The following TMEM201 variants were observed in gnomAD, a reference collection of about 807,000 sequenced individuals.
The protein encoded by TMEM201 is RP13-15M17.2.
Under a neutral mutation model 63.4 loss-of-function variants are expected in TMEM201, and 26 were observed. The ratio of observed to expected loss-of-function variants is 0.41; its 90% CI spans 0.30 to 0.57. The LOEUF is 0.57. Ranked by LOEUF, TMEM201 falls within the 20% of genes least tolerant of loss-of-function variation. The pLI is 0.29. For missense variants in TMEM201, 794 were observed against 917.7 expected, an observed-to-expected ratio of 0.87 and a Z score of 1.74; for synonymous variants, 417 against 421.6, an observed-to-expected ratio of 0.99 and a Z score of 0.14.
rs568799555 is a variant in TMEM201, at chr1:9,591,784, ACT to A, written c.113+2745_113+2746del. 3.8e-3 allele frequency among the ~76,000 whole-genome samples: 571 copies of A among 149,556 alleles called. 3 individuals carry two copies. Among genetic ancestry groups the A allele is most frequent in the African/African-American group, 0.013 (539 of 40,544 alleles). On this transcript the variant is annotated intron_variant, in intron 1 of 10. Coordinates refer to ENST00000340381, the MANE Select transcript of TMEM201 (RefSeq NM_001130924.3). ...GTTTCCAGGCTCCCCCCTCCCACTC[ACT>A]CTCCTGCTGCTGCGCACTCTCCCTG... is the stretch of plus-strand genomic sequence containing the variant.
chr1:9,611,012 C>T (rs905764328), intron 9 of TMEM201: 5 of 1,531,492 alleles, frequency 3.3e-6, no homozygotes, highest in Non-Finnish European at 4.4e-6. Context: ...TCTCCTTTTG[C>T]AGTTGACCTT....
intron 1 of TMEM201, among the ~76,000 whole-genome samples, chr1:9,594,926 G>C (rs1643988191): frequency 1.3e-5 from 2 of 152,266 alleles, no homozygotes; most frequent in Non-Finnish European, 2.9e-5. Flanking sequence ...CTCTGGTCCT[G>C]TGGACGGGGG....
rs751638331 is a variant in TMEM201, at chr1:9,596,899, A to G, written c.275A>G (p.Glu92Gly). ...AAGCCGATCCCCGCCCAGTACTTGG[A>G]GCACCTGAACCACGTGGTGAGCAGC... ...YNKPIPAQYL[E>G]HLNHVVSSAP... The change falls in exon 3 of 11, where the codon GAG (glutamate) becomes GGG (glycine). Residue 92 changes from glutamate to glycine, a missense_variant. Glu to Gly is a moderately conservative substitution (Grantham distance 98, BLOSUM62 -2). Coordinates refer to ENST00000340381, the MANE Select transcript of TMEM201 (RefSeq NM_001130924.3). 1 of 1,607,038 alleles carries G rather than the reference A, an allele frequency of 6.2e-7. No individual in the cohort carries two copies. The highest frequency in any genetic ancestry group is 1.7e-5 in the Admixed American group (1 of 59,830).
At chr1:9,589,127 C>G (rs893900344) in intron 1 of TMEM201, 84 bp downstream of exon 1, 20 of 605,996 alleles carry the variant, frequency 3.3e-5, no homozygotes, top group South Asian at 6.8e-5. Context: ...CTGCCCCCCT[C>G]GGCCGGGACC....
Position 9,600,280 on chromosome 1 carries a change from T to A in TMEM201, c.607-825T>A, listed in dbSNP as rs150494341. ...ATGATAAAAATTAGTTTTAGCCAGATGGTCTTGGGCTCAAACCCTGGAGCC... is the reference window on the plus strand; with the variant it reads ...ATGATAAAAATTAGTTTTAGCCAGAAGGTCTTGGGCTCAAACCCTGGAGCC... On this transcript the variant is annotated intron_variant, in intron 4 of 10. Transcript: ENST00000340381. Among the ~76,000 whole-genome samples, 135 of 152,334 alleles carry A rather than the reference T, an allele frequency of 8.9e-4. 3 individuals carry two copies. The East Asian group carries it at 0.022, about 25-fold the overall frequency.
At chr1:9,590,376 C>T (rs1046009850) in intron 1 of TMEM201, among the ~76,000 whole-genome samples, 4 of 152,190 alleles carry the variant, frequency 2.6e-5, no homozygotes. Flanking sequence ...GACGAAGCCG[C>T]CTCTCAGCTA....
chr1:9,603,737 T>A lies in TMEM201; in HGVS notation c.1160+1465T>A, dbSNP rs1009186592. On this transcript the variant is annotated intron_variant, in intron 6 of 10. Coordinates refer to ENST00000340381, the MANE Select transcript of TMEM201 (RefSeq NM_001130924.3). This position sits in a 1 kb window ranked among gnomAD's most constrained non-coding sequence, Gnocchi z 4.5. ...CCTAGAGGCTGCCCCACCCCAGTGA[T>A]TGGGTAGCAGCTCACATCCCACCCA... The A allele has an allele frequency of 5.1e-6, 5 of 985,250 alleles. No individual in the cohort carries two copies. The highest frequency in any genetic ancestry group is 5.2e-4 in the Middle Eastern group (1 of 1,936). 61.0% of individuals were successfully genotyped at this position (985,250 alleles called of 1,614,324 possible).
At chr1:9,593,470 C>T (rs950040742) in intron 1 of TMEM201, among the ~76,000 whole-genome samples, 2 of 152,240 alleles carry the variant, frequency 1.3e-5, no homozygotes, top group African/African-American at 4.8e-5. Context: ...ACCCCCAACT[C>T]TAGCAGGGAT....
chr1:9,608,996 G>A lies in TMEM201; in HGVS notation c.1394-844G>A, dbSNP rs1273664465. 6.6e-5 allele frequency among the ~76,000 whole-genome samples: 10 copies of A among 152,170 alleles called. No individual in the cohort carries two copies. Among genetic ancestry groups the A allele is most frequent in the East Asian group, 1.9e-4 (1 of 5,198 alleles). ...CTTTGGCTCATGTATTCAGAGACGC[G>A]CTGGACCGGGCTCAGGTGCTGTGGC... On this transcript the variant is annotated intron_variant, in intron 7 of 10. Transcript: ENST00000340381. This position sits in a 1 kb window ranked among gnomAD's most constrained non-coding sequence, Gnocchi z 4.3.
At chr1:9,601,539 T>A in intron 5 of TMEM201, 85 bp downstream of exon 5, 3 of 1,298,676 alleles carry the variant, frequency 2.3e-6, no homozygotes, top group Non-Finnish European at 3.1e-6. Flanking sequence ...AGAGACCCCA[T>A]TGGGTGCACA....
chr1:9,603,929 C>T lies in TMEM201; in HGVS notation c.1160+1657C>T, dbSNP rs1188489106. On this transcript the variant is annotated intron_variant, in intron 6 of 10. Coordinates refer to ENST00000340381, the MANE Select transcript of TMEM201 (RefSeq NM_001130924.3). The surrounding 1 kb of genome is among the most constrained non-coding windows in gnomAD (Gnocchi z 4.5). Reference sequence around the variant, plus strand: ...GAAAACCCCTCTGAAAAGATGTGGTCGGGGCCACGCTTCCCACTGGTTCTG... The same window carrying T: ...GAAAACCCCTCTGAAAAGATGTGGTTGGGGCCACGCTTCCCACTGGTTCTG... 11 of 985,294 alleles carry T rather than the reference C, an allele frequency of 1.1e-5. No individual in the cohort carries two copies. The highest frequency in any genetic ancestry group is 1.1e-4 in the East Asian group (1 of 8,822). The allele number at this position is 985,294 out of a possible 1,614,324, so 61.0% of individuals were successfully genotyped here.
intron 4 of TMEM201, among the ~76,000 whole-genome samples, chr1:9,599,526 A>G (rs1644095064): frequency 6.6e-6 from 1 of 152,248 alleles, no homozygotes; most frequent in Non-Finnish European, 1.5e-5. Flanking sequence ...AAGTGCTGGG[A>G]TTACAGGCCT....
chr1:9,591,704 G>A (rs1340462730), intron 1 of TMEM201, among the ~76,000 whole-genome samples: 1 of 152,232 alleles, frequency 6.6e-6, no homozygotes, highest in Non-Finnish European at 1.5e-5. Context: ...CCTCCCAGAG[G>A]ATATGCAGCA....
intron 1 of TMEM201, among the ~76,000 whole-genome samples, chr1:9,594,830 T>C (rs533624034): frequency 6.6e-6 from 1 of 152,356 alleles, no homozygotes; most frequent in East Asian, 1.9e-4. Context: ...ATGTGGACAC[T>C]GAGGCTGAGA....
At chr1:9,611,192 A>T in intron 9 of TMEM201, 9 of 543,702 alleles carry the variant, frequency 1.7e-5, no homozygotes, top group African/African-American at 2.4e-5. Context: ...ATGAATTTGT[A>T]GATTTCCTTT....
Position 9,603,428 on chromosome 1 carries a change from C to A in TMEM201, c.1160+1156C>A. On this transcript the variant is annotated intron_variant, in intron 6 of 10. Coordinates refer to ENST00000340381, the MANE Select transcript of TMEM201 (RefSeq NM_001130924.3). This position sits in a 1 kb window ranked among gnomAD's most constrained non-coding sequence, Gnocchi z 4.5. ...CGGCCTGGGGGCTTTATCCAGGGGT[C>A]CCAGTCGAGAGTGGCCCGAGGCCGT... 1 of 985,526 alleles carries A rather than the reference C, an allele frequency of 1.0e-6. No individual in the cohort carries two copies. The highest frequency in any genetic ancestry group is 1.2e-6 in the Non-Finnish European group (1 of 829,996). 61.0% of individuals were successfully genotyped at this position (985,526 alleles called of 1,614,324 possible).
intron 9 of TMEM201, 108 bp from the exon 10 acceptor site, chr1:9,611,645 G>A: frequency 1.4e-6 from 2 of 1,447,914 alleles, no homozygotes; most frequent in South Asian, 2.5e-5. Flanking sequence ...GGGACAGCCT[G>A]GCTCACCACT....
intron 4 of TMEM201, among the ~76,000 whole-genome samples, chr1:9,599,008 C>T (rs1344190313): frequency 2.0e-5 from 3 of 151,450 alleles, no homozygotes; most frequent in Non-Finnish European, 4.4e-5. Context: ...GTGGCACGAT[C>T]TCGGCTCACT....
At position 9,610,593 on chromosome 1, in the gene TMEM201, C is replaced by T. The variant is rs1399250064; in HGVS notation, c.1553C>T (p.Ser518Phe). 1.3e-6 allele frequency: 2 copies of T among 1,550,516 alleles called. No individual in the cohort carries two copies. The highest frequency in any genetic ancestry group is 2.4e-5 in the South Asian group (2 of 84,054). The change falls in exon 9 of 11, where the codon TCC becomes TTC. Residue 518 changes from serine (S) to phenylalanine (F), a missense_variant. By Grantham distance (155) the Ser-to-Phe change is radical (BLOSUM62 -2). Coordinates refer to ENST00000340381, the MANE Select transcript of TMEM201 (RefSeq NM_001130924.3). This position sits in a 1 kb window ranked among gnomAD's most constrained non-coding sequence, Gnocchi z 4.9. Reference sequence around the variant, plus strand: ...GTGGCCGGCTCGGTGGCCTCCAGCTCCGGCTCTCTGCGCCACCGCAGGCCC... The same window carrying T: ...GTGGCCGGCTCGGTGGCCTCCAGCTTCGGCTCTCTGCGCCACCGCAGGCCC... ...PSVAGSVASS[S>F]GSLRHRRPLI...
Sources: allele counts gnomAD v4.1 joint callset (sites outside exome capture counted in the v4.1 genomes callset), GRCh38; gene constraint gnomAD v4.1.1; non-coding constraint Gnocchi (gnomAD v3.1); transcripts MANE v1.5; gene names NCBI Gene and HGNC (gene_info 2026-07-23, HGNC 2026-07-21).